Variants in SPART observed in about 807,000 individuals in gnomAD.
SPART encodes spartin.
In SPART, 35 loss-of-function variants were observed where a neutral mutation model predicts 58.7. That is an observed-to-expected ratio of 0.60 (90% CI 0.46 to 0.79). The LOEUF (loss-of-function observed/expected upper bound fraction) is 0.79. Ranked by LOEUF, SPART falls within the 30% of genes least tolerant of loss-of-function variation. The pLI, the probability that SPART is intolerant of heterozygous loss-of-function variation, is 0.00. For synonymous variants in SPART, 284 were observed against 280.7 expected (o/e 1.01, Z -0.12); for missense variants, 730 against 786.1 (o/e 0.93, Z 0.85).
At chr13:36,326,195 A>G (rs1436992147) in intron 5 of SPART, 1 of 295,960 alleles carries the variant, frequency 3.4e-6, no homozygotes, top group East Asian at 9.5e-5. Flanking sequence ...TTAGGATTTC[A>G]ATATATGAAT....
chr13:36,349,769 T>G (rs1885341127), upstream of SPART, among the ~76,000 whole-genome samples: 1 of 152,240 alleles, frequency 6.6e-6, no homozygotes, highest in Non-Finnish European at 1.5e-5. Flanking sequence ...TGGAATATGT[T>G]GCAAAATCAT....
At chr13:36,315,550 T>C (rs1793242966) in intron 5 of SPART, among the ~76,000 whole-genome samples, 1 of 152,184 alleles carries the variant, frequency 6.6e-6, no homozygotes, top group Admixed American at 6.5e-5. Flanking sequence ...TAATAAATAA[T>C]TAGAAATTTT....
chr13:36,336,138 A>G (rs1883986593), intron 1 of SPART: 2 of 253,844 alleles, frequency 7.9e-6, no homozygotes, highest in Admixed American at 9.8e-5. Flanking sequence ...ATAGTTTCCT[A>G]TCATACATCC....
chr13:36,366,986 G>A (rs1317284414), intron 1 of SPART, among the ~76,000 whole-genome samples: 1 of 152,170 alleles, frequency 6.6e-6, no homozygotes, highest in Admixed American at 6.5e-5. Context: ...CACCCCAGGA[G>A]GAGCGCTAGC....
At chr13:36,332,590 CAT>C (rs1466257513) in intron 2 of SPART, among the ~76,000 whole-genome samples, 1 of 152,186 alleles carries the variant, frequency 6.6e-6, no homozygotes, top group Non-Finnish European at 1.5e-5. Flanking sequence ...GAGAACCTGA[CAT>C]AACAGAATAG....
chr13:36,312,013 G>A, intron 8 of SPART, 132 bp downstream of exon 8: 1 of 775,132 alleles, frequency 1.3e-6, no homozygotes, highest in Non-Finnish European at 2.2e-6. Flanking sequence ...CCTGAACCTG[G>A]GAGGTGGAGG....
At chr13:36,312,889 T>C (rs2137320865) in intron 6 of SPART, among the ~76,000 whole-genome samples, 1 of 152,124 alleles carries the variant, frequency 6.6e-6, no homozygotes, top group East Asian at 1.9e-4. Flanking sequence ...CAATGCAAGA[T>C]TGGTTGGTAC....
rs1885104267 is a variant in SPART at position 36,346,231 on chromosome 13, C to A, written c.-9G>T. ...GAACTCCCCCGCGCCCCACCTGCGC[C>A]TTCCAGACCTCGGGCGCCCCGGCGT... On this transcript the variant is annotated 5_prime_UTR_variant, in exon 1 of 9. The change creates a new upstream start codon in the 5' untranslated region. Transcript: ENST00000438666. The A allele has an allele frequency of 2.6e-5, 4 of 151,978 alleles. No homozygotes were observed. The South Asian group carries it at 8.3e-4, about 32-fold the overall frequency. The allele number at this position is 151,978 out of a possible 1,614,324, so 9.4% of individuals were successfully genotyped here.
At chr13:36,316,075 C>T (rs1345040693) in intron 5 of SPART, among the ~76,000 whole-genome samples, 3 of 152,196 alleles carry the variant, frequency 2.0e-5, no homozygotes, top group Non-Finnish European at 4.4e-5. Flanking sequence ...ATGTACAATG[C>T]CAGATATAGA....
rs764932049 is a variant in SPART, at chr13:36,304,371, ATCTT to A, written c.1991_1994del (p.Lys664IlefsTer15). The A allele has an allele frequency of 1.1e-5, 17 of 1,614,036 alleles. No individual in the cohort carries two copies. The highest frequency in any genetic ancestry group is 1.4e-5 in the Non-Finnish European group (17 of 1,179,952). ...AGTGATTCCCAGCACTTCATCATTT[ATCTT>A]TCTTCTTTGCCTCCTTTACTTCCTT... On this transcript the variant is annotated frameshift_variant, in exon 9 of 9. Transcript: ENST00000438666. LOFTEE classifies it high-confidence loss of function.
chr13:36,362,184 C>T (rs573988916), intron 1 of SPART, among the ~76,000 whole-genome samples: 1 of 152,068 alleles, frequency 6.6e-6, no homozygotes, highest in East Asian at 1.9e-4. Context: ...AACCCCGTCT[C>T]TACTACAAGT....
chr13:36,335,197 C>G lies in SPART; in HGVS notation c.634G>C (p.Glu212Gln). The G allele has an allele frequency of 6.2e-7, 1 of 1,614,130 alleles. No homozygotes were observed. The highest frequency in any genetic ancestry group is 8.5e-7 in the Non-Finnish European group (1 of 1,180,024). ...TCATCTGCATCCAGCCCTAAGGTCT[C>G]AAGAGGCGGTGGCTGAGAATGATTC... ...YRNHSQPPPLETLGLDADELI... is the reference protein window; with the variant it reads ...YRNHSQPPPLQTLGLDADELI... Residue 212 changes from glutamate to glutamine, a missense_variant, in exon 2 of 9, where the codon GAG becomes CAG. Coordinates refer to ENST00000438666, the MANE Select transcript of SPART (RefSeq NM_015087.5).
chr13:36,334,948 A>C, intron 2 of SPART, 73 bp downstream of exon 2: 1 of 1,278,986 alleles, frequency 7.8e-7, no homozygotes, highest in Non-Finnish European at 1.1e-6. Flanking sequence ...TACTGGACAC[A>C]TAAACATTAA....
chr13:36,346,196 G>T (rs1314692381), intron 1 of SPART, 29 bp downstream of exon 1: 1 of 89,494 alleles, frequency 1.1e-5, no homozygotes, highest in South Asian at 4.2e-4. Context: ...CCAAGGGACC[G>T]CGCAGGGGTG....
intron 6 of SPART, among the ~76,000 whole-genome samples, chr13:36,313,622 T>A (rs1006233267): frequency 6.6e-6 from 1 of 152,212 alleles, no homozygotes; most frequent in Non-Finnish European, 1.5e-5. Context: ...ACCTTTTCTA[T>A]GTTTAGATGT....
chr13:36,316,553 C>A lies in SPART; in HGVS notation c.1289-2132G>T, dbSNP rs1881726544. Among the ~76,000 whole-genome samples, 3 of 152,120 alleles carry A rather than the reference C, an allele frequency of 2.0e-5. No individual in the cohort carries two copies. In the South Asian group the frequency reaches 6.2e-4, roughly 32 times the overall value. ...GCTCATCCTGGCTCAAAAAGCACCC[C>A]CACTGAGCACCTTGCGACCCCCACT... On this transcript the variant is annotated intron_variant, in intron 5 of 8. Coordinates refer to ENST00000438666, the MANE Select transcript of SPART (RefSeq NM_015087.5).
rs760948184 is a variant in SPART at position 36,312,135 on chromosome 13, T to C, written c.1733+10A>G. On this transcript the variant is annotated intron_variant, in intron 8 of 8. Coordinates refer to ENST00000438666, the MANE Select transcript of SPART (RefSeq NM_015087.5). Reference sequence around the variant, plus strand: ...CAGAGATTTAGTCATTAAAATAAAATTCAACTTACTTGTATCTGACAGTTT... The same window carrying C: ...CAGAGATTTAGTCATTAAAATAAAACTCAACTTACTTGTATCTGACAGTTT... 2.5e-6 allele frequency: 4 copies of C among 1,608,952 alleles called. No homozygotes were observed. The Admixed American group carries it at 5.0e-5, about 20-fold the overall frequency.
intron 2 of SPART, 134 bp downstream of exon 2, chr13:36,334,887 T>C (rs2137544691): frequency 1.4e-6 from 1 of 698,898 alleles, no homozygotes; most frequent in Non-Finnish European, 2.4e-6. Flanking sequence ...CATAATTTCA[T>C]GGAATATATT....
intron 5 of SPART, among the ~76,000 whole-genome samples, chr13:36,319,155 T>TCAA (rs1882076688): frequency 6.6e-6 from 1 of 150,806 alleles, no homozygotes; most frequent in Non-Finnish European, 1.5e-5. Flanking sequence ...TAGACAATAC[T>TCAA]CTTTTAAGCA....
Sources: gnomAD v4.1 joint callset for allele counts (sites outside exome capture counted in the v4.1 genomes callset) on GRCh38, gnomAD v4.1.1 for gene constraint, MANE v1.5 for transcripts, NCBI Gene and HGNC (gene_info 2026-07-23, HGNC 2026-07-21) for gene names.